The following NRBF2 variants were observed in gnomAD, a reference collection of about 807,000 sequenced individuals.
The protein encoded by NRBF2 is nuclear receptor-binding factor 2.
Under a neutral mutation model 28.5 loss-of-function variants are expected in NRBF2, and 12 were observed. The ratio of observed to expected loss-of-function variants is 0.42; its 90% CI spans 0.27 to 0.68. The LOEUF (loss-of-function observed/expected upper bound fraction) is 0.68, where lower values mean the gene tolerates loss of function less well. NRBF2 is among the 30% of genes least tolerant of loss of function. The probability of loss-of-function intolerance (pLI) is 0.24; values close to 1 mark genes in which losing one functional copy is unlikely to be tolerated. For synonymous variants in NRBF2, 102 were observed against 116.5 expected (o/e 0.88, Z 0.80); for missense variants, 274 against 333.5 (o/e 0.82, Z 1.39).
intron 1 of NRBF2, among the ~76,000 whole-genome samples, chr10:63,139,137 G>A (rs892133613): frequency 2.0e-5 from 3 of 152,130 alleles, no homozygotes; most frequent in Non-Finnish European, 4.4e-5. Flanking sequence ...AGCCTTCCTT[G>A]TAGCTGGGAC....
intron 1 of NRBF2, among the ~76,000 whole-genome samples, chr10:63,133,825 A>G (rs1841329294): frequency 6.6e-6 from 1 of 152,194 alleles, no homozygotes; most frequent in African/African-American, 2.4e-5. Context: ...CCACCTCCCT[A>G]CAGCCTGGAG....
chr10:63,138,228 G>C (rs1460382383), intron 1 of NRBF2, among the ~76,000 whole-genome samples: 1 of 152,040 alleles, frequency 6.6e-6, no homozygotes, highest in Non-Finnish European at 1.5e-5. Context: ...CAGGAGAATC[G>C]CTTGAATCCA....
At chr10:63,143,447 AACTG>A (rs1841505857) in intron 1 of NRBF2, among the ~76,000 whole-genome samples, 2 of 152,172 alleles carry the variant, frequency 1.3e-5, no homozygotes, top group Non-Finnish European at 2.9e-5. Flanking sequence ...TTTTTCAGCT[AACTG>A]ACAGAACAGA....
At chr10:63,148,605 G>A (rs1326456114) in intron 2 of NRBF2, among the ~76,000 whole-genome samples, 1 of 152,234 alleles carries the variant, frequency 6.6e-6, no homozygotes, top group Non-Finnish European at 1.5e-5. Flanking sequence ...TCAAAGATCA[G>A]AGGAGATTCT....
intron 1 of NRBF2, among the ~76,000 whole-genome samples, chr10:63,139,564 GAT>G (rs1841430263): frequency 6.6e-6 from 1 of 152,182 alleles, no homozygotes; most frequent in Non-Finnish European, 1.5e-5. Flanking sequence ...AGCCAAAAGA[GAT>G]AATTTACTGG....
chr10:63,140,552 T>G (rs1306274253), intron 1 of NRBF2, among the ~76,000 whole-genome samples: 1 of 152,018 alleles, frequency 6.6e-6, no homozygotes, highest in Non-Finnish European at 1.5e-5. Flanking sequence ...TAGCTGGGAC[T>G]ACAGGTGTGC....
chr10:63,147,003 T>A (rs1176343457), intron 2 of NRBF2, among the ~76,000 whole-genome samples: 1 of 152,194 alleles, frequency 6.6e-6, no homozygotes, highest in Non-Finnish European at 1.5e-5. Flanking sequence ...GGGTCCTCGT[T>A]AGTGTAGTGG....
chr10:63,135,647 CTTTTT>C (rs763603312), intron 1 of NRBF2, among the ~76,000 whole-genome samples: 1 of 129,450 alleles, frequency 7.7e-6, no homozygotes, highest in Non-Finnish European at 1.7e-5. Context: ...ATCTTGAATT[CTTTTT>C]TTTTTTTTTT....
intron 3 of NRBF2, 79 bp downstream of exon 3, chr10:63,152,269 C>A: frequency 9.6e-7 from 1 of 1,036,440 alleles, no homozygotes; most frequent in Non-Finnish European, 1.5e-6. Context: ...TAAAGCAAAG[C>A]ATTGTGTCCC....
chr10:63,153,387 A>T, intron 3 of NRBF2, 124 bp from the exon 4 acceptor site: 1 of 739,784 alleles, frequency 1.4e-6, no homozygotes, highest in Non-Finnish European at 2.2e-6. Flanking sequence ...GTATTTTTGC[A>T]AACATAGTAA....
intron 2 of NRBF2, among the ~76,000 whole-genome samples, chr10:63,148,151 A>G (rs909381246): frequency 3.9e-5 from 6 of 152,242 alleles, no homozygotes; most frequent in African/African-American, 9.6e-5. Flanking sequence ...TTATGAATAT[A>G]TAAAGAGAAG....
rs1841317942 is a variant in NRBF2 at position 63,133,371 on chromosome 10, GC to G, written c.-98del. The G allele has an allele frequency of 1.4e-6, 2 of 1,397,810 alleles. No individual in the cohort carries two copies. Among genetic ancestry groups the G allele is most frequent in the Admixed American group, 1.8e-5 (1 of 54,286 alleles). 86.6% of individuals were successfully genotyped at this position (1,397,810 alleles called of 1,614,324 possible). ...GCTGGCTCTTGGGGCGCAGAGAGGG[GC>G]CGCAGTCTCCGCGGCTGCGTCGAGC... On this transcript the variant is annotated 5_prime_UTR_variant, in exon 1 of 4. Transcript: ENST00000277746.
At chr10:63,133,643 G>C in intron 1 of NRBF2, 143 bp downstream of exon 1, 2 of 678,894 alleles carry the variant, frequency 2.9e-6, no homozygotes, top group Non-Finnish European at 2.6e-6. Context: ...GGGCTGCTAG[G>C]CAGGCCCTGG....
In NRBF2 at chr10:63,154,111, G is replaced by A. The variant is rs1359575137; in HGVS notation, c.757G>A (p.Ala253Thr). The A allele has an allele frequency of 3.7e-6, 6 of 1,613,942 alleles. No homozygotes were observed. The highest frequency in any genetic ancestry group is 5.1e-6 in the Non-Finnish European group (6 of 1,179,852). The part of the protein sequence containing the change: ...WQKFAANTGK[A>T]KDIPIPNLPP... ...GAAGTTCGCAGCAAATACTGGGAAA[G>A]CCAAGGACATTCCAATCCCCAATCT... The change falls in exon 4 of 4, where the codon GCC (alanine) becomes ACC (threonine). Residue 253 changes from alanine (A) to threonine (T), a missense_variant. Ala to Thr is a moderately conservative substitution (Grantham distance 58). Transcript: ENST00000277746.
chr10:63,148,801 C>T (rs1841602625), intron 2 of NRBF2, among the ~76,000 whole-genome samples: 1 of 152,112 alleles, frequency 6.6e-6, no homozygotes, highest in African/African-American at 2.4e-5. Context: ...CATTCATTTG[C>T]CAGATAAGCA....
At chr10:63,143,233 A>G (rs929231852) in intron 1 of NRBF2, among the ~76,000 whole-genome samples, 1 of 152,210 alleles carries the variant, frequency 6.6e-6, no homozygotes, top group Admixed American at 6.5e-5. Context: ...TCTTTCCTAC[A>G]AAAATAGAAG....
At chr10:63,138,770 A>C (rs1374611967) in intron 1 of NRBF2, among the ~76,000 whole-genome samples, 1 of 151,862 alleles carries the variant, frequency 6.6e-6, no homozygotes, top group Non-Finnish European at 1.5e-5. Flanking sequence ...TCTTTCCTGG[A>C]ATTCTCCAAC....
chr10:63,141,225 C>T (rs777344320), intron 1 of NRBF2, among the ~76,000 whole-genome samples: 3 of 152,048 alleles, frequency 2.0e-5, no homozygotes, highest in Non-Finnish European at 4.4e-5. Context: ...ATTGCTTGAG[C>T]CCAGGAGTTT....
chr10:63,134,473 A>G (rs1397468332), intron 1 of NRBF2, among the ~76,000 whole-genome samples: 1 of 152,250 alleles, frequency 6.6e-6, no homozygotes, highest in Admixed American at 6.5e-5. Context: ...TCTGAGTCCT[A>G]GAAGAGCAGT....
Sources: allele counts gnomAD v4.1 joint callset (sites outside exome capture counted in the v4.1 genomes callset), GRCh38; gene constraint gnomAD v4.1.1; transcripts MANE v1.5; gene names NCBI Gene and HGNC (gene_info 2026-07-23, HGNC 2026-07-21).